The following DYNC2H1 variants were observed in gnomAD, a reference collection of about 807,000 sequenced individuals.
DYNC2H1 encodes cytoplasmic dynein 2 heavy chain 1.
DYNC2H1 carries 410 observed loss-of-function variants against 570.0 expected under a neutral mutation model. That is an observed-to-expected ratio of 0.72 (90% CI 0.66 to 0.78). DYNC2H1 has a LOEUF of 0.78. DYNC2H1 is among the 30% of genes least tolerant of loss of function. The pLI is 0.00. For missense variants in DYNC2H1, 4,865 were observed against 5,046.4 expected (o/e 0.96, Z 1.09); for synonymous variants, 1,688 against 1,677.6 (o/e 1.01, Z -0.15).
In DYNC2H1 at chr11:103,264,481, G is replaced by A. The variant is rs1437354744; in HGVS notation, c.10695+4504G>A. Among the ~76,000 whole-genome samples, 1 of 152,154 alleles carries A rather than the reference G, an allele frequency of 6.6e-6. No homozygotes were observed. Among genetic ancestry groups the A allele is most frequent in the Non-Finnish European group, 1.5e-5 (1 of 68,030 alleles). ...ATAAAATATTGGCAAACCGAATCCA[G>A]CAGCACATCAAAAAGCTTATCCACC... On this transcript the variant is annotated intron_variant, in intron 70 of 88. Transcript: ENST00000375735. The surrounding 1 kb of genome is among the most constrained non-coding windows in gnomAD (Gnocchi z 4.8).
intron 85 of DYNC2H1, among the ~76,000 whole-genome samples, chr11:103,453,447 T>C (rs144504317): frequency 1.3e-5 from 2 of 151,676 alleles, no homozygotes; most frequent in Admixed American, 1.3e-4. Context: ...TGTTATTTAT[T>C]TATCTCATTA....
chr11:103,158,748 C>T lies in DYNC2H1; in HGVS notation c.4199C>T (p.Ser1400Phe), dbSNP rs1860948953. The change falls in exon 27 of 89, where the codon TCT becomes TTT. Residue 1400 changes from serine (S) to phenylalanine (F), a missense_variant. By Grantham distance (155) the Ser-to-Phe change is radical. Around this residue, in one of 5 missense-constraint regions of DYNC2H1, gnomAD observed 1,936 missense variants for 1,962.1 expected, o/e 0.99. Transcript: ENST00000375735. ...ACTACTCATGCTGGAATAAGAAATT[C>T]TCTACTAACAATACTTGATCAGCTT... ...TLTTHAGIRN[S>F]LLTILDQLQR... 1 of 1,516,950 alleles carries T rather than the reference C, an allele frequency of 6.6e-7. No individual in the cohort carries two copies. The highest frequency in any genetic ancestry group is 1.4e-5 in the African/African-American group (1 of 72,552). The allele number at this position is 1,516,950 out of a possible 1,614,324, so 94.0% of individuals were successfully genotyped here. A position where few individuals can be genotyped will look rare whatever the true frequency, so the allele number is the denominator to read the frequency against.
chr11:103,393,955 C>T (rs752771308), intron 83 of DYNC2H1, among the ~76,000 whole-genome samples: 14 of 152,086 alleles, frequency 9.2e-5, no homozygotes, highest in Non-Finnish European at 2.1e-4. Flanking sequence ...AAAGACCTAC[C>T]CCTATTATTC....
intron 4 of DYNC2H1, 23 bp from the exon 5 acceptor site, chr11:103,116,547 A>C (rs755180257): frequency 6.4e-7 from 1 of 1,559,598 alleles, no homozygotes; most frequent in Admixed American, 1.8e-5. Flanking sequence ...ATTATGTTTA[A>C]AAATTAATGC....
chr11:103,230,006 C>G (rs928511388), intron 59 of DYNC2H1, among the ~76,000 whole-genome samples: 1 of 152,100 alleles, frequency 6.6e-6, no homozygotes, highest in Non-Finnish European at 1.5e-5. Flanking sequence ...TTTTTAAACT[C>G]CACCCAAACT....
At chr11:103,413,935 GTC>G (rs1172552162) in intron 84 of DYNC2H1, among the ~76,000 whole-genome samples, 1 of 151,956 alleles carries the variant, frequency 6.6e-6, no homozygotes, top group Non-Finnish European at 1.5e-5. Flanking sequence ...CCTTTTGTTT[GTC>G]CTTTTTCATT....
At position 103,189,661 on chromosome 11, in the gene DYNC2H1, A is replaced by G. The variant is rs958944881; in HGVS notation, c.7293-11A>G. 1 of 1,607,922 alleles carries G rather than the reference A, an allele frequency of 6.2e-7. No individual in the cohort carries two copies. The highest frequency in any genetic ancestry group is 1.3e-5 in the African/African-American group (1 of 74,778). On this transcript the variant is annotated splice_polypyrimidine_tract_variant and intron_variant, in intron 44 of 88. Transcript: ENST00000375735. The surrounding 1 kb of genome is among the most constrained non-coding windows in gnomAD (Gnocchi z 4.3). ...TATTTCAGCTTTCTTCTTATATGCC[A>G]TTTTTTTTAGTTACCCAGAAAGAGA...
At chr11:103,281,973 T>A (rs1866156565) in intron 71 of DYNC2H1, among the ~76,000 whole-genome samples, 1 of 151,576 alleles carries the variant, frequency 6.6e-6, no homozygotes. Flanking sequence ...TTAATAAAAT[T>A]ATTCTTAGTA....
chr11:103,281,716 CAAA>C (rs71066145), intron 71 of DYNC2H1, among the ~76,000 whole-genome samples: 4,323 of 129,094 alleles, frequency 0.033, 213 homozygotes, highest in African/African-American at 0.11. Context: ...AATTCTATGG[CAAA>C]AAAAAAAAAA....
chr11:103,215,483 G>A (rs548172800), intron 54 of DYNC2H1, among the ~76,000 whole-genome samples: 25 of 152,166 alleles, frequency 1.6e-4, no homozygotes, highest in African/African-American at 5.5e-4. Context: ...CATTCTCTGC[G>A]ATGCTTTAAA....
intron 86 of DYNC2H1, among the ~76,000 whole-genome samples, chr11:103,455,823 T>C (rs1460273198): frequency 3.3e-5 from 5 of 152,148 alleles, no homozygotes; most frequent in Non-Finnish European, 7.4e-5. Flanking sequence ...CAGATTATCA[T>C]ATCATATATA....
intron 83 of DYNC2H1, among the ~76,000 whole-genome samples, chr11:103,361,317 T>A (rs2408589): frequency 0.97 from 146,991 of 152,272 alleles, 71,171 homozygotes; most frequent in Middle Eastern, 1. Flanking sequence ...GTGAGGACAC[T>A]TCAAAAAGAC....
Position 103,455,280 on chromosome 11 carries a change from G to T in DYNC2H1, c.12551G>T (p.Arg4184Leu), listed in dbSNP as rs200913028. The T allele has an allele frequency of 3.7e-6, 6 of 1,612,812 alleles. No homozygotes were observed. The highest frequency in any genetic ancestry group is 8.5e-7 in the Non-Finnish European group (1 of 1,179,330). Residue 4184 changes from arginine to leucine, a missense_variant, in exon 86 of 89, where the codon CGC becomes CTC. By Grantham distance (102) the Arg-to-Leu change is moderately radical. Transcript: ENST00000375735. ...FHPDTFLNAL[R>L]QETARAVGRS... ...CCAGACACATTTCTTAATGCTCTTCGCCAGGAAACTGCAAGGTAATTAAAA... is the reference window on the plus strand; with the variant it reads ...CCAGACACATTTCTTAATGCTCTTCTCCAGGAAACTGCAAGGTAATTAAAA...
Position 103,283,055 on chromosome 11 carries a change from G to A in DYNC2H1, c.10860G>A (p.Gln3620=), listed in dbSNP as rs770965321. The A allele has an allele frequency of 1.2e-6, 2 of 1,608,504 alleles. No homozygotes were observed. Among genetic ancestry groups the A allele is most frequent in the Non-Finnish European group, 1.7e-6 (2 of 1,176,866 alleles). ...IRDQLPSWID[Q]ERSWAVATLK... is the part of the protein sequence containing the mutation. ...ATCAGCTTCCGTCTTGGATAGATCA[G>A]GAACGAAGCTGGGCCGTGGCAACAT... Residue 3620 remains glutamine (Q), a synonymous_variant, in exon 73 of 89, where the codon CAG becomes CAA. Coordinates refer to ENST00000375735, the MANE Select transcript of DYNC2H1 (RefSeq NM_001377.3).
intron 9 of DYNC2H1, 30 bp from the exon 10 acceptor site, chr11:103,121,342 G>T: frequency 6.4e-7 from 1 of 1,557,526 alleles, no homozygotes; most frequent in Non-Finnish European, 8.7e-7. Flanking sequence ...CTAATTCTTT[G>T]TAATCATTTA....
chr11:103,394,652 T>C (rs1246265435), intron 83 of DYNC2H1, among the ~76,000 whole-genome samples: 2 of 151,966 alleles, frequency 1.3e-5, no homozygotes, highest in Non-Finnish European at 2.9e-5. Flanking sequence ...AGGATAGCCA[T>C]CTGCCTTACT....
chr11:103,408,369 A>T (rs1295577403), intron 84 of DYNC2H1: 1 of 152,060 alleles, frequency 6.6e-6, no homozygotes, highest in Non-Finnish European at 1.5e-5. Flanking sequence ...GTGGTTAATT[A>T]CAGGCATATT....
intron 78 of DYNC2H1, among the ~76,000 whole-genome samples, chr11:103,310,734 A>G (rs1480259303): frequency 1.6e-5 from 2 of 127,448 alleles, no homozygotes; most frequent in Non-Finnish European, 3.2e-5. Context: ...CAGGCTGGAG[A>G]ACAGTGGTGT....
chr11:103,474,047 A>C (rs987561121), intron 88 of DYNC2H1: 1 of 208,966 alleles, frequency 4.8e-6, no homozygotes, highest in Admixed American at 5.0e-5. Flanking sequence ...AAAAATACCA[A>C]ATATTTCACT....
Sources: allele counts gnomAD v4.1 joint callset (sites outside exome capture counted in the v4.1 genomes callset), GRCh38; gene constraint gnomAD v4.1.1; regional missense constraint gnomAD v4.1.1; non-coding constraint Gnocchi (gnomAD v3.1); transcripts MANE v1.5; gene names NCBI Gene and HGNC (gene_info 2026-07-23, HGNC 2026-07-21).